MARCHF4: variants seen among roughly 807,000 people sequenced by gnomAD.
MARCHF4 encodes the protein membrane associated ring-CH-type finger 4.
Under a neutral mutation model 43.9 loss-of-function variants are expected in MARCHF4, and 14 were observed. The observed-to-expected ratio is 0.32, with a 90% confidence interval of 0.21 to 0.50. The LOEUF (loss-of-function observed/expected upper bound fraction) is 0.50, where lower values mean the gene tolerates loss of function less well. Ranked by LOEUF, MARCHF4 falls within the 20% of genes least tolerant of loss-of-function variation. The pLI is 0.98. For synonymous variants in MARCHF4, 226 were observed against 213.3 expected (o/e 1.06, Z -0.52); for missense variants, 468 against 536.7 (o/e 0.87, Z 1.27).
intron 1 of MARCHF4, among the ~76,000 whole-genome samples, chr2:216,359,652 A>G (rs182481443): frequency 9.2e-5 from 14 of 152,320 alleles, no homozygotes; most frequent in African/African-American, 3.4e-4. Flanking sequence ...CAGCTTGACT[A>G]TCCAGTAGAT....
intron 3 of MARCHF4, among the ~76,000 whole-genome samples, chr2:216,263,523 G>GAGAGAGAA (rs1690785671): frequency 6.7e-6 from 1 of 149,730 alleles, no homozygotes; most frequent in African/African-American, 2.5e-5. Flanking sequence ...GAGAGAGAGA[G>GAGAGAGAA]AGAGAGAGAG....
chr2:216,340,060 C>T (rs958603275), intron 1 of MARCHF4, among the ~76,000 whole-genome samples: 3 of 152,112 alleles, frequency 2.0e-5, no homozygotes, highest in African/African-American at 7.2e-5. Flanking sequence ...TCCGCCTCTC[C>T]CTTTCCCAAA....
intron 1 of MARCHF4, among the ~76,000 whole-genome samples, chr2:216,291,008 G>A (rs940772611): frequency 3.9e-5 from 6 of 152,146 alleles, no homozygotes; most frequent in African/African-American, 1.4e-4. Context: ...CCAGGCTCAA[G>A]ATATAAATTT....
chr2:216,290,573 T>G (rs1229631827), intron 1 of MARCHF4, among the ~76,000 whole-genome samples: 2 of 152,142 alleles, frequency 1.3e-5, no homozygotes, highest in Non-Finnish European at 2.9e-5. Context: ...CATGATCTGA[T>G]CATATTTGAC....
At chr2:216,322,182 C>A (rs1289686326) in intron 1 of MARCHF4, among the ~76,000 whole-genome samples, 1 of 152,152 alleles carries the variant, frequency 6.6e-6, no homozygotes, top group Non-Finnish European at 1.5e-5. Flanking sequence ...TGAGAACCAA[C>A]AAAGGCAGCA....
chr2:216,306,132 T>G (rs999988550), intron 1 of MARCHF4, among the ~76,000 whole-genome samples: 1 of 152,256 alleles, frequency 6.6e-6, no homozygotes, highest in Non-Finnish European at 1.5e-5. Context: ...AAAGTTTTAA[T>G]TGAAATTATA....
intron 1 of MARCHF4, among the ~76,000 whole-genome samples, chr2:216,365,261 C>T (rs183421242): frequency 2.5e-4 from 38 of 152,306 alleles, no homozygotes; most frequent in African/African-American, 8.4e-4. Flanking sequence ...ACAATTATTG[C>T]CCCTTCTGAA....
At chr2:216,350,824 T>G (rs984194193) in intron 1 of MARCHF4, among the ~76,000 whole-genome samples, 5 of 152,354 alleles carry the variant, frequency 3.3e-5, no homozygotes, top group Non-Finnish European at 4.4e-5. Context: ...AACCGAAAAG[T>G]TATTGAGACG....
At chr2:216,338,646 C>T (rs1010319373) in intron 1 of MARCHF4, among the ~76,000 whole-genome samples, 1 of 152,118 alleles carries the variant, frequency 6.6e-6, no homozygotes, top group African/African-American at 2.4e-5. Context: ...AGCTCCACTG[C>T]CACCTCTATA....
intron 1 of MARCHF4, among the ~76,000 whole-genome samples, chr2:216,341,747 A>G (rs1692238265): frequency 6.6e-6 from 1 of 152,126 alleles, no homozygotes; most frequent in Admixed American, 6.5e-5. Flanking sequence ...ATCAGCCACC[A>G]AGTAGCACAG....
intron 1 of MARCHF4, among the ~76,000 whole-genome samples, chr2:216,296,602 G>A (rs1210752207): frequency 1.3e-5 from 2 of 152,162 alleles, no homozygotes; most frequent in Non-Finnish European, 2.9e-5. Context: ...AGGGTCCAGA[G>A]GGTAAAATGA....
chr2:216,360,418 G>A (rs990270144), intron 1 of MARCHF4, among the ~76,000 whole-genome samples: 12 of 151,996 alleles, frequency 7.9e-5, no homozygotes, highest in African/African-American at 2.7e-4. Flanking sequence ...CCATGTGATG[G>A]AATATTATTC....
At chr2:216,264,068 C>A (rs1219262820) in intron 3 of MARCHF4, among the ~76,000 whole-genome samples, 1 of 152,114 alleles carries the variant, frequency 6.6e-6, no homozygotes, top group East Asian at 1.9e-4. Flanking sequence ...AACCTCAGAG[C>A]CTCTTCAGTC....
At chr2:216,295,581 C>A (rs1691377245) in intron 1 of MARCHF4, among the ~76,000 whole-genome samples, 1 of 152,220 alleles carries the variant, frequency 6.6e-6, no homozygotes, top group South Asian at 2.1e-4. Flanking sequence ...CATGTACCCA[C>A]CTATCCATAC....
chr2:216,309,344 T>TGG (rs1691642907), intron 1 of MARCHF4, among the ~76,000 whole-genome samples: 1 of 152,198 alleles, frequency 6.6e-6, no homozygotes. Context: ...TGAAATAGAT[T>TGG]ACCATGGCAG....
chr2:216,316,358 C>T (rs1271379176), intron 1 of MARCHF4, among the ~76,000 whole-genome samples: 1 of 152,162 alleles, frequency 6.6e-6, no homozygotes, highest in Non-Finnish European at 1.5e-5. Flanking sequence ...CTTTCTAAAA[C>T]GGAGGCCCTA....
chr2:216,316,127 G>A (rs1277901662), intron 1 of MARCHF4, among the ~76,000 whole-genome samples: 2 of 152,216 alleles, frequency 1.3e-5, no homozygotes, highest in African/African-American at 4.8e-5. Flanking sequence ...GTTGGAGGCC[G>A]AGTCACCACA....
intron 1 of MARCHF4, among the ~76,000 whole-genome samples, chr2:216,335,890 A>G (rs1692150033): frequency 6.6e-6 from 1 of 152,048 alleles, no homozygotes; most frequent in Non-Finnish European, 1.5e-5. Flanking sequence ...CAACATGTTG[A>G]AACCCCATCT....
chr2:216,319,146 A>G (rs143142190), intron 1 of MARCHF4, among the ~76,000 whole-genome samples: 2,962 of 152,184 alleles, frequency 0.019, 58 homozygotes, highest in Non-Finnish European at 0.029. Context: ...TGTTTCTACT[A>G]AAAATACAAA....
Sources: gnomAD v4.1 joint callset for allele counts (sites outside exome capture counted in the v4.1 genomes callset) on GRCh38, gnomAD v4.1.1 for gene constraint, MANE v1.5 for transcripts, NCBI Gene and HGNC (gene_info 2026-07-23, HGNC 2026-07-21) for gene names.